Variants in ZFYVE28 observed in about 807,000 individuals in gnomAD.
ZFYVE28 encodes zinc finger FYVE-type containing 28, also known as lateral signaling target protein 2 homolog.
In ZFYVE28, 40 loss-of-function variants were observed where a neutral mutation model predicts 82.1. The observed-to-expected ratio is 0.49, with a 90% CI of 0.38 to 0.63. ZFYVE28 has a LOEUF of 0.63. Ranked by LOEUF, ZFYVE28 falls within the 30% of genes least tolerant of loss-of-function variation. ZFYVE28 has a pLI of 0.00. For synonymous variants in ZFYVE28, 612 were observed against 546.1 expected (o/e 1.12, Z -1.68); for missense variants, 1,321 against 1,242.1 (o/e 1.06, Z -0.96).
intron 2 of ZFYVE28, among the ~76,000 whole-genome samples, chr4:2,350,404 G>A (rs1357502725): frequency 6.6e-6 from 1 of 151,738 alleles, no homozygotes; most frequent in Non-Finnish European, 1.5e-5. Context: ...GCGGAACTTG[G>A]ACTGAGCCGA....
rs73087132 is a variant in ZFYVE28 at position 2,332,850 on chromosome 4, A to G, written c.701+2855T>C. Among the ~76,000 whole-genome samples the G allele has an allele frequency of 0.075, 11,413 of 152,180 alleles. 519 individuals are homozygous for G. The highest frequency in any genetic ancestry group is 0.12 in the African/African-American group (5,021 of 41,490). ...CGAGGCTCGCTGCACAGAGGGTTGC[A>G]GTGGCAGCCTGGTGCACCCCACGGT... On this transcript the variant is annotated intron_variant, in intron 6 of 12. Transcript: ENST00000290974. The surrounding 1 kb of genome is among the most constrained non-coding windows in gnomAD (Gnocchi z 4.7).
chr4:2,355,562 G>A (rs1446585204), intron 1 of ZFYVE28, among the ~76,000 whole-genome samples: 2 of 150,338 alleles, frequency 1.3e-5, no homozygotes, highest in Non-Finnish European at 3.0e-5. Context: ...TTACAGGCCT[G>A]AGCCACTGTG....
intron 4 of ZFYVE28, among the ~76,000 whole-genome samples, chr4:2,338,231 G>C (rs1246024285): frequency 3.3e-5 from 5 of 152,260 alleles, no homozygotes; most frequent in Non-Finnish European, 7.3e-5. Flanking sequence ...CCTGCCAGTG[G>C]CTCTGAGACG....
At chr4:2,377,168 C>A (rs1226292334) in intron 1 of ZFYVE28, among the ~76,000 whole-genome samples, 1 of 151,890 alleles carries the variant, frequency 6.6e-6, no homozygotes, top group African/African-American at 2.4e-5. Context: ...ATTACAGGCG[C>A]CCGCTACCAC....
At chr4:2,402,259 C>CCCTCCT (rs756930075) in intron 1 of ZFYVE28, among the ~76,000 whole-genome samples, 1 of 152,156 alleles carries the variant, frequency 6.6e-6, no homozygotes, top group African/African-American at 2.4e-5. Context: ...TGGGCGGGGC[C>CCCTCCT]CCTCCTCCCC....
chr4:2,382,169 G>A (rs1042410879), intron 1 of ZFYVE28, among the ~76,000 whole-genome samples: 61 of 152,360 alleles, frequency 4.0e-4, no homozygotes, highest in African/African-American at 1.4e-3. Context: ...CAGGGGTGGG[G>A]CACTCATGGA....
At chr4:2,412,453 A>G (rs1028677541) in intron 1 of ZFYVE28, among the ~76,000 whole-genome samples, 1 of 152,146 alleles carries the variant, frequency 6.6e-6, no homozygotes, top group Non-Finnish European at 1.5e-5. Context: ...GGCAGGTCTC[A>G]GCATCCCCAC....
rs192296850 is a variant in ZFYVE28, at chr4:2,300,847, G to T, written c.2051+3442C>A. Among the ~76,000 whole-genome samples, 67 of 152,336 alleles carry T rather than the reference G, an allele frequency of 4.4e-4. No homozygotes were observed. The Middle Eastern group carries it at 0.01, about 23-fold the overall frequency. On this transcript the variant is annotated intron_variant, in intron 8 of 12. Transcript: ENST00000290974. The surrounding 1 kb of genome is among the most constrained non-coding windows in gnomAD (Gnocchi z 4.6). ...AACCGTCCACGCCACAACCACAGGG[G>T]CTGCAGGGGCGTCTGCCGGGCGAGC...
chr4:2,340,238 C>T (rs73087154), intron 3 of ZFYVE28, among the ~76,000 whole-genome samples: 30,474 of 152,148 alleles, frequency 0.2, 3,356 homozygotes, highest in African/African-American at 0.25. Flanking sequence ...GTGTGAGAGT[C>T]CCTGGGCTCC....
At chr4:2,338,918 G>A (rs1476598760) in intron 4 of ZFYVE28, among the ~76,000 whole-genome samples, 4 of 152,148 alleles carry the variant, frequency 2.6e-5, no homozygotes, top group East Asian at 1.9e-4. Context: ...TCTGCCTCCC[G>A]GGTTCAAGCG....
intron 8 of ZFYVE28, among the ~76,000 whole-genome samples, chr4:2,278,219 C>CTTTT (rs58136968): frequency 2.2e-5 from 3 of 136,938 alleles, no homozygotes; most frequent in Non-Finnish European, 3.1e-5. Context: ...AAGATTCTCT[C>CTTTT]TTTTTTTTTT....
chr4:2,373,814 CA>C (rs1211567817), intron 1 of ZFYVE28, among the ~76,000 whole-genome samples: 2 of 152,212 alleles, frequency 1.3e-5, no homozygotes, highest in Non-Finnish European at 2.9e-5. Flanking sequence ...TATGATAAAA[CA>C]GCAGCACAGA....
rs552931453 is a variant in ZFYVE28 at position 2,344,035 on chromosome 4, C to G, written c.181-2420G>C. On this transcript the variant is annotated intron_variant, in intron 2 of 12. Coordinates refer to ENST00000290974, the MANE Select transcript of ZFYVE28 (RefSeq NM_020972.3). ...TTCCATGACACTGGACATCAGGCCA[C>G]AAAGGACAGTGATCCCCAAGAGACA... is the stretch of plus-strand genomic sequence containing the variant. Among the ~76,000 whole-genome samples, 4 of 152,296 alleles carry G rather than the reference C, an allele frequency of 2.6e-5. No homozygotes were observed. The East Asian group carries it at 7.7e-4, about 29-fold the overall frequency.
intron 7 of ZFYVE28, among the ~76,000 whole-genome samples, chr4:2,314,525 G>C (rs187070077): frequency 9.9e-5 from 15 of 152,100 alleles, no homozygotes; most frequent in African/African-American, 3.4e-4. Flanking sequence ...GAATTTGCTA[G>C]TTATTCATCT....
At chr4:2,352,328 C>T (rs1724595645) in intron 2 of ZFYVE28, among the ~76,000 whole-genome samples, 1 of 151,212 alleles carries the variant, frequency 6.6e-6, no homozygotes, top group Non-Finnish European at 1.5e-5. Context: ...GCCGCCATGT[C>T]GGGGGGTGGA....
intron 1 of ZFYVE28, among the ~76,000 whole-genome samples, chr4:2,397,788 G>A (rs542600880): frequency 6.6e-6 from 1 of 152,268 alleles, no homozygotes; most frequent in East Asian, 1.9e-4. Flanking sequence ...TCCACCGCAT[G>A]AACACACCAC....
At chr4:2,336,626 T>A (rs547489982) in intron 5 of ZFYVE28, among the ~76,000 whole-genome samples, 1 of 148,092 alleles carries the variant, frequency 6.8e-6, no homozygotes, top group Admixed American at 7.2e-5. Flanking sequence ...AAAAACTCAT[T>A]CCTGGACTGG....
intron 8 of ZFYVE28, among the ~76,000 whole-genome samples, chr4:2,302,922 C>G (rs1346236806): frequency 6.6e-6 from 1 of 152,234 alleles, no homozygotes; most frequent in East Asian, 1.9e-4. Context: ...AGAAATGCAT[C>G]TGACCCTCCT....
intron 8 of ZFYVE28, among the ~76,000 whole-genome samples, chr4:2,279,548 G>T (rs1018807763): frequency 1.3e-5 from 2 of 152,166 alleles, no homozygotes; most frequent in African/African-American, 2.4e-5. Flanking sequence ...GGGAGGCCAA[G>T]GTGGGCGGAT....
Sources: allele counts gnomAD v4.1 joint callset (sites outside exome capture counted in the v4.1 genomes callset), GRCh38; gene constraint gnomAD v4.1.1; non-coding constraint Gnocchi (gnomAD v3.1); transcripts MANE v1.5; gene names NCBI Gene and HGNC (gene_info 2026-07-23, HGNC 2026-07-21).